The following CENPO variants were observed in gnomAD, a reference collection of about 807,000 sequenced individuals.
The protein encoded by CENPO is centromeric protein O.
In CENPO, 30 loss-of-function variants were observed where a neutral mutation model predicts 36.1. The ratio of observed to expected loss-of-function variants is 0.83; its 90% CI spans 0.62 to 1.13. CENPO has a LOEUF of 1.13. CENPO is among the 50% of genes most tolerant of loss of function. The probability of loss-of-function intolerance (pLI) is 0.00; values close to 1 mark genes in which losing one functional copy is unlikely to be tolerated. For missense variants in CENPO, 349 were observed against 357.8 expected, an observed-to-expected ratio of 0.98 and a Z score of 0.20; for synonymous variants, 171 against 142.3, an observed-to-expected ratio of 1.20 and a Z score of -1.44.
intron 7 of CENPO, among the ~76,000 whole-genome samples, chr2:24,818,798 C>T (rs1667100894): frequency 6.6e-6 from 1 of 152,238 alleles, no homozygotes; most frequent in Non-Finnish European, 1.5e-5. Flanking sequence ...GTGTGGGTCA[C>T]TCACAGATAT....
Position 24,820,358 on chromosome 2 carries a change from G to A in CENPO, c.*1040G>A. 3 of 1,326,308 alleles carry A rather than the reference G, an allele frequency of 2.3e-6. No individual in the cohort carries two copies. Among genetic ancestry groups the A allele is most frequent in the Non-Finnish European group, 2.9e-6 (3 of 1,042,902 alleles). The allele number at this position is 1,326,308 out of a possible 1,614,324, so 82.2% of individuals were successfully genotyped here. On this transcript the variant is annotated 3_prime_UTR_variant, in exon 8 of 8. Coordinates refer to ENST00000380834, the MANE Select transcript of CENPO (RefSeq NM_001322101.2). ...GAGACTTCTCTCCTAGGATGGCCATGGTCACCTGGGTGGCAGCACTGTTAC... is the reference window on the plus strand; with the variant it reads ...GAGACTTCTCTCCTAGGATGGCCATAGTCACCTGGGTGGCAGCACTGTTAC...
chr2:24,794,670 G>C (rs1384689515), intron 2 of CENPO, among the ~76,000 whole-genome samples: 12 of 152,154 alleles, frequency 7.9e-5, no homozygotes, highest in African/African-American at 2.7e-4. Flanking sequence ...CAATCCTTTG[G>C]AAACTGAGAT....
At chr2:24,806,135 T>C (rs995094665) in intron 3 of CENPO, among the ~76,000 whole-genome samples, 1 of 152,236 alleles carries the variant, frequency 6.6e-6, no homozygotes. Context: ...GCGCGGGATA[T>C]AATCTCCTGG....
Position 24,793,521 on chromosome 2 carries a change from G to A in CENPO, c.-69+20G>A. The A allele has an allele frequency of 1.9e-6, 3 of 1,575,568 alleles. No individual in the cohort carries two copies. The highest frequency in any genetic ancestry group is 1.7e-6 in the Non-Finnish European group (2 of 1,160,860). ...GCCTGGGTGAGCTAGAAGGGAGAAGGTAGGGGAAAGACCCATTGTCGGACC... is the reference window on the plus strand; with the variant it reads ...GCCTGGGTGAGCTAGAAGGGAGAAGATAGGGGAAAGACCCATTGTCGGACC... On this transcript the variant is annotated intron_variant, in intron 1 of 7. Coordinates refer to ENST00000380834, the MANE Select transcript of CENPO (RefSeq NM_001322101.2).
chr2:24,806,374 C>T (rs189181691), intron 3 of CENPO, among the ~76,000 whole-genome samples: 13 of 152,204 alleles, frequency 8.5e-5, no homozygotes, highest in Non-Finnish European at 1.5e-4. Flanking sequence ...AACCTGGTAC[C>T]TCAGTTGGAA....
In CENPO at chr2:24,822,364, T is replaced by G; in HGVS notation, c.*3046T>G. On this transcript the variant is annotated 3_prime_UTR_variant, in exon 8 of 8. Transcript: ENST00000380834. The stretch of plus-strand genomic sequence containing the variant: ...TGCCGAACTTTCTCAATAAACCCTA[T>G]TTCTTATTTATATTTACGTGGTGCT... The G allele has an allele frequency of 8.6e-7, 1 of 1,165,562 alleles. No individual in the cohort carries two copies. The allele number at this position is 1,165,562 out of a possible 1,614,324, so 72.2% of individuals were successfully genotyped here.
At chr2:24,816,915 A>C in intron 6 of CENPO, 98 bp downstream of exon 6, 1 of 1,178,154 alleles carries the variant, frequency 8.5e-7, no homozygotes, top group Non-Finnish European at 1.2e-6. Flanking sequence ...CTCTTGAGAC[A>C]CTTTCTCTGT....
rs1211845674 is a variant in CENPO, at chr2:24,821,966, CTAGG to C, written c.*2650_*2653del. ...GGTTGTCCTTGTTTGGATCCCTCAACTAGGTGATAAGCACTGGAGGGGGATGACC... is the reference window on the plus strand; with the variant it reads ...GGTTGTCCTTGTTTGGATCCCTCAACTGATAAGCACTGGAGGGGGATGACC... On this transcript the variant is annotated 3_prime_UTR_variant, in exon 8 of 8. Coordinates refer to ENST00000380834, the MANE Select transcript of CENPO (RefSeq NM_001322101.2). 1 of 296,314 alleles carries C rather than the reference CTAGG, an allele frequency of 3.4e-6. No individual in the cohort carries two copies. Among genetic ancestry groups the C allele is most frequent in the Non-Finnish European group, 6.4e-6 (1 of 156,894 alleles). The allele number at this position is 296,314 out of a possible 1,614,324, so 18.4% of individuals were successfully genotyped here.
chr2:24,819,851 A>G lies in CENPO; in HGVS notation c.*533A>G. The G allele has an allele frequency of 6.8e-7, 1 of 1,460,262 alleles. No homozygotes were observed. The highest frequency in any genetic ancestry group is 9.3e-7 in the Non-Finnish European group (1 of 1,071,300). The allele number at this position is 1,460,262 out of a possible 1,614,324, so 90.5% of individuals were successfully genotyped here. ...CTAAAGTCCATGAGTGTGCACTTCA[A>G]TCCAGGAAGGTCGGGACTTCCTTCA... is the stretch of plus-strand genomic sequence containing the variant. On this transcript the variant is annotated 3_prime_UTR_variant, in exon 8 of 8. Coordinates refer to ENST00000380834, the MANE Select transcript of CENPO (RefSeq NM_001322101.2).
intron 4 of CENPO, among the ~76,000 whole-genome samples, chr2:24,814,986 ATCCCATCACTTTGGGAG>A (rs1216294596): frequency 6.6e-6 from 1 of 152,164 alleles, no homozygotes; most frequent in Non-Finnish European, 1.5e-5. Flanking sequence ...TATGCCTGTA[ATCCCATCACTTTGGGAG>A]GCTGAGGCAG....
Position 24,820,669 on chromosome 2 carries a change from C to A in CENPO, c.*1351C>A. 2 of 1,607,600 alleles carry A rather than the reference C, an allele frequency of 1.2e-6. No individual in the cohort carries two copies. The highest frequency in any genetic ancestry group is 1.7e-6 in the Non-Finnish European group (2 of 1,175,866). On this transcript the variant is annotated 3_prime_UTR_variant, in exon 8 of 8. Coordinates refer to ENST00000380834, the MANE Select transcript of CENPO (RefSeq NM_001322101.2). ...AGGGGCACGTGGGAAAGCACTGTTC[C>A]GGTTTTGTTCTCATGCCGAGTCTGA...
intron 3 of CENPO, among the ~76,000 whole-genome samples, chr2:24,806,248 A>G (rs1666398492): frequency 6.6e-6 from 1 of 152,010 alleles, no homozygotes. Context: ...AGGAAAGGGA[A>G]CTCCCTGACC....
rs533566651 is a variant in CENPO at position 24,820,637 on chromosome 2, G to A, written c.*1319G>A. The A allele has an allele frequency of 8.9e-6, 14 of 1,576,138 alleles. No individual in the cohort carries two copies. The highest frequency in any genetic ancestry group is 6.7e-5 in the African/African-American group (5 of 74,466). ...TGGACTTACTGTTCAGGGCCAGGGT[G>A]GGAGGCAGGGGCACGTGGGAAAGCA... On this transcript the variant is annotated 3_prime_UTR_variant, in exon 8 of 8. Transcript: ENST00000380834.
chr2:24,806,902 T>C (rs770671997), intron 3 of CENPO, among the ~76,000 whole-genome samples: 30 of 152,202 alleles, frequency 2.0e-4, no homozygotes, highest in Non-Finnish European at 3.5e-4. Flanking sequence ...CCTTCCTCCA[T>C]TGCCACAGCT....
intron 4 of CENPO, chr2:24,814,771 C>G (rs1666866263): frequency 2.7e-6 from 1 of 374,488 alleles, no homozygotes; most frequent in Admixed American, 3.9e-5. Flanking sequence ...TGTGCCAGAC[C>G]TTGTACTAGA....
intron 1 of CENPO, 54 bp downstream of exon 1, chr2:24,793,555 G>T: frequency 6.6e-7 from 1 of 1,516,810 alleles, no homozygotes; most frequent in Admixed American, 2.3e-5. Flanking sequence ...CCGGACCGTG[G>T]CCAGGGTGGC....
chr2:24,821,691 C>A lies in CENPO; in HGVS notation c.*2373C>A. Reference sequence around the variant, plus strand: ...TGTCAGGGGCCGCTCACTGCAGCAGCCTGCTCTGCTGCCTTCCCTGGCAGT... The same window carrying A: ...TGTCAGGGGCCGCTCACTGCAGCAGACTGCTCTGCTGCCTTCCCTGGCAGT... On this transcript the variant is annotated 3_prime_UTR_variant, in exon 8 of 8. Transcript: ENST00000380834. 6.3e-7 allele frequency: 1 copy of A among 1,597,946 alleles called. No homozygotes were observed. The highest frequency in any genetic ancestry group is 8.5e-7 in the Non-Finnish European group (1 of 1,170,410).
chr2:24,821,056 C>CCA lies in CENPO; in HGVS notation c.*1739_*1740dup. 2 of 648,316 alleles carry CCA rather than the reference C, an allele frequency of 3.1e-6. No homozygotes were observed. The highest frequency in any genetic ancestry group is 5.1e-6 in the Non-Finnish European group (2 of 395,978). The allele number at this position is 648,316 out of a possible 1,614,324, so 40.2% of individuals were successfully genotyped here. A position where few individuals can be genotyped will look rare whatever the true frequency, so the allele number is the denominator to read the frequency against. On this transcript the variant is annotated 3_prime_UTR_variant, in exon 8 of 8. Transcript: ENST00000380834. ...TTAGGTGTCAGCCGCCACCCCCCCCCCATATGCAGATTTACTCGGCATGGT... is the reference window on the plus strand; with the variant it reads ...TTAGGTGTCAGCCGCCACCCCCCCCCCACATATGCAGATTTACTCGGCATGGT...
Position 24,805,402 on chromosome 2 carries a change from T to A in CENPO, c.216+5558T>A, listed in dbSNP as rs548436061. Among the ~76,000 whole-genome samples, 3 of 152,372 alleles carry A rather than the reference T, an allele frequency of 2.0e-5. No individual in the cohort carries two copies. The South Asian group carries it at 6.2e-4, about 32-fold the overall frequency. On this transcript the variant is annotated intron_variant, in intron 3 of 7. Coordinates refer to ENST00000380834, the MANE Select transcript of CENPO (RefSeq NM_001322101.2). Reference sequence around the variant, plus strand: ...TTCCTTTGGAGGAGGAGAGGCGCTCTGATTTTTAGAGTTTCCAGTTTTTCT... The same window carrying A: ...TTCCTTTGGAGGAGGAGAGGCGCTCAGATTTTTAGAGTTTCCAGTTTTTCT...
Sources: gnomAD v4.1 joint callset for allele counts (sites outside exome capture counted in the v4.1 genomes callset) on GRCh38, gnomAD v4.1.1 for gene constraint, MANE v1.5 for transcripts, NCBI Gene and HGNC (gene_info 2026-07-23, HGNC 2026-07-21) for gene names.